The following RALYL variants were observed in gnomAD, a reference collection of about 807,000 sequenced individuals.
The protein encoded by RALYL is RNA-binding Raly-like protein.
In RALYL, 29 loss-of-function variants were observed where a neutral mutation model predicts 35.1. The ratio of observed to expected loss-of-function variants is 0.83; its 90% CI spans 0.61 to 1.13. The LOEUF (loss-of-function observed/expected upper bound fraction) is 1.13. RALYL is among the 50% of genes most tolerant of loss of function. RALYL has a pLI of 0.00. For missense variants in RALYL, 359 were observed against 360.4 expected (o/e 1.00, Z 0.03); for synonymous variants, 120 against 127.6 (o/e 0.94, Z 0.40).
intron 1 of RALYL, among the ~76,000 whole-genome samples, chr8:84,420,159 G>A (rs377248753): frequency 6.6e-6 from 1 of 151,044 alleles, no homozygotes. Flanking sequence ...TACAGTCCCA[G>A]CAACAGTGTA....
At chr8:84,428,104 TCTCACACACA>T (rs1428192277) in intron 1 of RALYL, among the ~76,000 whole-genome samples, 151 of 131,816 alleles carry the variant, frequency 1.1e-3, no homozygotes, top group African/African-American at 4.3e-3. Flanking sequence ...TCTCTCTCTC[TCTCACACACA>T]CACACACACA....
At chr8:84,622,914 G>A (rs1197777089) in intron 2 of RALYL, among the ~76,000 whole-genome samples, 1 of 152,142 alleles carries the variant, frequency 6.6e-6, no homozygotes, top group African/African-American at 2.4e-5. Context: ...TAGAGGATGT[G>A]AAGTTTGGTT....
At position 84,234,773 on chromosome 8, in the gene RALYL, T is replaced by TTTATTTA. The variant is rs1563580307; in HGVS notation, c.-24+50351_-24+50352insATTTATT. ...CAAAATTTTATTTATTTATTTATTT[T>TTTATTTA]TTTTTTTTTGAGATGGAGTCTCGCT... On this transcript the variant is annotated intron_variant, in intron 1 of 8. Transcript: ENST00000521268. 2.2e-5 allele frequency among the ~76,000 whole-genome samples: 3 copies of TTTATTTA among 134,562 alleles called. No homozygotes were observed. The East Asian group carries it at 7.0e-4, about 32-fold the overall frequency. The allele number at this position is 134,562 out of a possible 152,430, so 88.3% of individuals were successfully genotyped here.
chr8:84,542,969 A>T (rs188488981), intron 2 of RALYL, among the ~76,000 whole-genome samples: 5 of 152,208 alleles, frequency 3.3e-5, no homozygotes, highest in African/African-American at 1.2e-4. Flanking sequence ...CTTGTATTTT[A>T]TGTTGAAATA....
At chr8:84,693,968 C>T (rs1355776051) in intron 2 of RALYL, among the ~76,000 whole-genome samples, 1 of 151,502 alleles carries the variant, frequency 6.6e-6, no homozygotes, top group African/African-American at 2.4e-5. Flanking sequence ...AATAATGTAC[C>T]TCTACACAAT....
chr8:84,405,467 C>T (rs2043375067), intron 1 of RALYL, among the ~76,000 whole-genome samples: 1 of 151,682 alleles, frequency 6.6e-6, no homozygotes, highest in African/African-American at 2.4e-5. Context: ...ACTAGCCAGA[C>T]TAATAAAGAA....
At chr8:84,310,046 CTT>C (rs111327883) in intron 1 of RALYL, among the ~76,000 whole-genome samples, 6 of 146,008 alleles carry the variant, frequency 4.1e-5, no homozygotes, top group African/African-American at 1.5e-4. Flanking sequence ...TTTCTTTTTT[CTT>C]TTTTTTTTTC....
chr8:84,759,484 C>T (rs1158532479), intron 2 of RALYL, among the ~76,000 whole-genome samples: 1 of 152,120 alleles, frequency 6.6e-6, no homozygotes, highest in East Asian at 1.9e-4. Flanking sequence ...AAGAGATCAA[C>T]ATCCATACCT....
At chr8:84,647,140 A>T (rs562368749) in intron 2 of RALYL, among the ~76,000 whole-genome samples, 44 of 152,044 alleles carry the variant, frequency 2.9e-4, no homozygotes, top group Non-Finnish European at 4.3e-4. Context: ...CTCCAAGCCT[A>T]TAGGTCTTTA....
intron 1 of RALYL, among the ~76,000 whole-genome samples, chr8:84,211,420 T>C (rs1466422000): frequency 6.6e-6 from 1 of 152,150 alleles, no homozygotes; most frequent in Non-Finnish European, 1.5e-5. Context: ...GTTGTTTAAA[T>C]GACTGCAGCA....
intron 2 of RALYL, among the ~76,000 whole-genome samples, chr8:84,772,576 T>TTTTTAA (rs1423731297): frequency 1.3e-5 from 2 of 152,116 alleles, no homozygotes; most frequent in African/African-American, 4.8e-5. Context: ...TACCCCTTAA[T>TTTTTAA]ACTTTGTCTT....
chr8:84,770,514 G>A (rs574178021), intron 2 of RALYL, among the ~76,000 whole-genome samples: 8 of 149,952 alleles, frequency 5.3e-5, no homozygotes, highest in South Asian at 2.1e-4. Flanking sequence ...AAATATGCAC[G>A]TGCAAGTATC....
chr8:84,301,602 G>A (rs1479313953), intron 1 of RALYL, among the ~76,000 whole-genome samples: 1 of 151,698 alleles, frequency 6.6e-6, no homozygotes, highest in Non-Finnish European at 1.5e-5. Flanking sequence ...TGATTGCTCT[G>A]TGACCTTTAA....
intron 8 of RALYL, among the ~76,000 whole-genome samples, chr8:84,892,807 A>C (rs1002904838): frequency 6.6e-6 from 1 of 152,148 alleles, no homozygotes; most frequent in Non-Finnish European, 1.5e-5. Flanking sequence ...AGCCAAGACT[A>C]AAAATCTGTG....
At chr8:84,441,507 G>C (rs944039161) in intron 1 of RALYL, among the ~76,000 whole-genome samples, 1 of 152,100 alleles carries the variant, frequency 6.6e-6, no homozygotes, top group Non-Finnish European at 1.5e-5. Flanking sequence ...GTCAGATTTA[G>C]AGATTGAAAA....
At chr8:84,462,907 C>A (rs180748725) in intron 1 of RALYL, among the ~76,000 whole-genome samples, 1 of 151,882 alleles carries the variant, frequency 6.6e-6, no homozygotes, top group East Asian at 1.9e-4. Context: ...AGCAACCCAC[C>A]TTTGTTTTGT....
At chr8:84,224,950 C>T (rs1295079293) in intron 1 of RALYL, among the ~76,000 whole-genome samples, 2 of 152,152 alleles carry the variant, frequency 1.3e-5, no homozygotes, top group Admixed American at 1.3e-4. Flanking sequence ...CCACTGCACC[C>T]GGCCACTTCA....
intron 2 of RALYL, among the ~76,000 whole-genome samples, chr8:84,624,216 C>A (rs1437711683): frequency 5.3e-5 from 8 of 152,150 alleles, no homozygotes; most frequent in African/African-American, 1.9e-4. Flanking sequence ...AAAACCTTTT[C>A]TTACTGTACT....
intron 2 of RALYL, among the ~76,000 whole-genome samples, chr8:84,616,352 A>G (rs35569745): frequency 6.8e-6 from 1 of 146,322 alleles, no homozygotes; most frequent in African/African-American, 2.6e-5. Flanking sequence ...GCCAGTGATG[A>G]TGAACATTTT....
Sources: gnomAD v4.1 joint callset for allele counts (sites outside exome capture counted in the v4.1 genomes callset) on GRCh38, gnomAD v4.1.1 for gene constraint, MANE v1.5 for transcripts, NCBI Gene and HGNC (gene_info 2026-07-23, HGNC 2026-07-21) for gene names.